LIN9: variants seen among roughly 807,000 people sequenced by gnomAD.
LIN9 encodes lin-9 DREAM MuvB core complex component, also known as protein lin-9 homolog.
Under a neutral mutation model 78.0 loss-of-function variants are expected in LIN9, and 18 were observed. The observed-to-expected ratio is 0.23, with a 90% CI of 0.16 to 0.34. The LOEUF is 0.34. Ranked by LOEUF, LIN9 falls within the 10% of genes least tolerant of loss-of-function variation. The pLI is 1.00. For missense variants in LIN9, 451 were observed against 644.1 expected (o/e 0.70, Z 3.25); for synonymous variants, 192 against 215.2 (o/e 0.89, Z 0.94).
chr1:226,279,353 G>C (rs551947629), intron 6 of LIN9, among the ~76,000 whole-genome samples: 1 of 151,720 alleles, frequency 6.6e-6, no homozygotes, highest in South Asian at 2.1e-4. Flanking sequence ...CAGCTACTTG[G>C]GAGGCTGAGG....
At chr1:226,295,271 G>A (rs1032188556) in intron 4 of LIN9, among the ~76,000 whole-genome samples, 1 of 151,366 alleles carries the variant, frequency 6.6e-6, no homozygotes, top group Non-Finnish European at 1.5e-5. Context: ...CCAACATGGT[G>A]AAACCCCGTC....
intron 4 of LIN9, among the ~76,000 whole-genome samples, chr1:226,294,770 T>C (rs1460014718): frequency 6.6e-6 from 1 of 152,056 alleles, no homozygotes; most frequent in African/African-American, 2.4e-5. Flanking sequence ...TATTTCCCTA[T>C]CTAATTTTCA....
chr1:226,266,055 A>G (rs1659886628), intron 9 of LIN9, among the ~76,000 whole-genome samples, 158 bp downstream of exon 9: 2 of 152,148 alleles, frequency 1.3e-5, no homozygotes, highest in South Asian at 4.1e-4. Context: ...AAAGGAAATT[A>G]TTTCTGGAGA....
intron 12 of LIN9, among the ~76,000 whole-genome samples, chr1:226,234,755 T>C (rs1266988225): frequency 2.6e-5 from 4 of 152,096 alleles, no homozygotes; most frequent in African/African-American, 9.7e-5. Flanking sequence ...CTTATACATA[T>C]AGCATAAAGA....
In LIN9 at chr1:226,235,322, C is replaced by CAAAA. The variant is rs375690849; in HGVS notation, c.1246-1803_1246-1800dup. ...GGTGGACAAGAGCGAAAATCCGTCT[C>CAAAA]AAAAAAAAAAAAAAAAAAAAAGAGT... On this transcript the variant is annotated intron_variant, in intron 12 of 14. Transcript: ENST00000681046. Among the ~76,000 whole-genome samples, 493 of 57,584 alleles carry CAAAA rather than the reference C, an allele frequency of 8.6e-3. 1 individual carries two copies. Among genetic ancestry groups the CAAAA allele is most frequent in the East Asian group, 0.014 (24 of 1,772 alleles). The allele number at this position is 57,584 out of a possible 152,430, so 37.8% of individuals were successfully genotyped here.
chr1:226,237,691 T>C (rs2102832063), intron 12 of LIN9, among the ~76,000 whole-genome samples: 1 of 145,138 alleles, frequency 6.9e-6, no homozygotes, highest in East Asian at 2.1e-4. Context: ...CTCATGTCTC[T>C]AATCCAAGCA....
At chr1:226,309,358 C>A (rs1318603706), upstream of LIN9, 9 of 989,344 alleles carry the variant, frequency 9.1e-6, no homozygotes, top group African/African-American at 1.6e-4. Flanking sequence ...CCTCCGCCGC[C>A]GCCTCCGGCC....
At chr1:226,277,970 A>G (rs1660773591) in intron 6 of LIN9, 38 bp from the exon 7 acceptor site, 1 of 1,478,104 alleles carries the variant, frequency 6.8e-7, no homozygotes, top group African/African-American at 1.4e-5. Flanking sequence ...ACTGATAACT[A>G]CCCCATATAA....
chr1:226,264,148 C>T (rs145290044), intron 10 of LIN9, among the ~76,000 whole-genome samples: 2,332 of 151,948 alleles, frequency 0.015, 61 homozygotes, highest in African/African-American at 0.052. Flanking sequence ...TTTGGGAGGC[C>T]GAGGGCGATC....
At chr1:226,268,546 C>T (rs1660070964) in intron 7 of LIN9, among the ~76,000 whole-genome samples, 2 of 152,196 alleles carry the variant, frequency 1.3e-5, no homozygotes, top group Admixed American at 1.3e-4. Flanking sequence ...TATCTGGGAA[C>T]TTGGATTTCG....
intron 1 of LIN9, 94 bp downstream of exon 1, chr1:226,309,015 C>A: frequency 1.9e-5 from 24 of 1,235,356 alleles, no homozygotes; most frequent in Non-Finnish European, 2.5e-5. Flanking sequence ...AGCCCACCTG[C>A]CCAGCGGAGG....
intron 1 of LIN9, among the ~76,000 whole-genome samples, chr1:226,305,129 C>T (rs1008458012): frequency 4.6e-5 from 7 of 151,352 alleles, no homozygotes; most frequent in Non-Finnish European, 8.8e-5. Flanking sequence ...AAGACTGCAC[C>T]GCTGCACTCC....
chr1:226,245,623 G>A (rs1406871641), intron 11 of LIN9, among the ~76,000 whole-genome samples: 1 of 151,464 alleles, frequency 6.6e-6, no homozygotes, highest in Non-Finnish European at 1.5e-5. Context: ...ACTCAGTCTT[G>A]CTCTGCTGGC....
At chr1:226,255,914 A>AAG (rs1435565682) in intron 10 of LIN9, among the ~76,000 whole-genome samples, 1 of 152,082 alleles carries the variant, frequency 6.6e-6, no homozygotes, top group Non-Finnish European at 1.5e-5. Context: ...AAGGAGAGGA[A>AAG]AGAGAGAAAA....
chr1:226,269,067 C>G (rs1318462027), intron 7 of LIN9, among the ~76,000 whole-genome samples: 1 of 152,132 alleles, frequency 6.6e-6, no homozygotes, highest in Non-Finnish European at 1.5e-5. Context: ...AAACAAACAT[C>G]CAGCATGAGT....
At chr1:226,309,182 G>A, upstream of LIN9, 2 of 1,427,646 alleles carry the variant, frequency 1.4e-6, no homozygotes, top group South Asian at 1.6e-5. Flanking sequence ...GCCCGCCGCG[G>A]TGCATTGTGG....
rs771112592 is a variant in LIN9 at position 226,250,826 on chromosome 1, G to C, written c.1119+13C>G. On this transcript the variant is annotated intron_variant, in intron 11 of 14. Transcript: ENST00000681046. ...AGACAAGCAAATGAAGAAAAAAAAA[G>C]AGAAATTCTTACCAATTTTTCTGCT... The C allele has an allele frequency of 3.7e-6, 5 of 1,366,502 alleles. No individual in the cohort carries two copies. Among genetic ancestry groups the C allele is most frequent in the African/African-American group, 1.5e-5 (1 of 68,920 alleles). 84.6% of individuals were successfully genotyped at this position (1,366,502 alleles called of 1,614,324 possible).
At chr1:226,245,355 C>T (rs541314772) in intron 11 of LIN9, among the ~76,000 whole-genome samples, 104 of 152,218 alleles carry the variant, frequency 6.8e-4, no homozygotes, top group African/African-American at 2.4e-3. Context: ...AGAATGCCTA[C>T]TTGTCTACAT....
intron 12 of LIN9, among the ~76,000 whole-genome samples, chr1:226,236,669 G>C (rs1657738370): frequency 6.6e-6 from 1 of 152,172 alleles, no homozygotes. Context: ...GTGTTAGCCA[G>C]GATGGTCTCG....
Sources: allele counts gnomAD v4.1 joint callset (sites outside exome capture counted in the v4.1 genomes callset), GRCh38; gene constraint gnomAD v4.1.1; transcripts MANE v1.5; gene names NCBI Gene and HGNC (gene_info 2026-07-23, HGNC 2026-07-21).